Variants in RANBP2 observed in about 807,000 individuals in gnomAD.
RANBP2 encodes the protein RAN binding protein 2.
RANBP2 carries 57 observed loss-of-function variants against 303.6 expected under a neutral mutation model. The ratio of observed to expected loss-of-function variants is 0.19; its 90% CI spans 0.15 to 0.23. The LOEUF (loss-of-function observed/expected upper bound fraction) is 0.23, where lower values mean the gene tolerates loss of function less well. Ranked by LOEUF, RANBP2 falls within the 10% of genes least tolerant of loss-of-function variation. The pLI, the probability that RANBP2 is intolerant of heterozygous loss-of-function variation, is 1.00. For missense variants in RANBP2, 3,138 were observed against 3,780.8 expected, an observed-to-expected ratio of 0.83 and a Z score of 4.46; for synonymous variants, 1,167 against 1,301.5, an observed-to-expected ratio of 0.90 and a Z score of 2.23.
At chr2:109,229,951 A>G in the RANBP2 span, among the ~76,000 whole-genome samples, 1 of 150,904 alleles carries the variant, frequency 6.6e-6, no homozygotes, top group Admixed American at 6.6e-5. Flanking sequence ...CAGCCTCCCA[A>G]GTAGCTGGGA....
chr2:108,814,315 T>A, the RANBP2 span, among the ~76,000 whole-genome samples: 1 of 152,168 alleles, frequency 6.6e-6, no homozygotes, highest in Non-Finnish European at 1.5e-5. Flanking sequence ...TTCCAGTGGG[T>A]GTGTAGTAGT....
the RANBP2 span, among the ~76,000 whole-genome samples, chr2:109,441,217 G>A: frequency 6.6e-6 from 1 of 150,964 alleles, no homozygotes; most frequent in African/African-American, 2.4e-5. Context: ...ATGCAAAGGA[G>A]CAGGAAAATA....
chr2:109,048,239 G>A, the RANBP2 span, among the ~76,000 whole-genome samples: 4 of 152,076 alleles, frequency 2.6e-5, no homozygotes, highest in African/African-American at 9.7e-5. Flanking sequence ...GCTCTTTCTT[G>A]CTACGTGATT....
At chr2:108,855,713 A>G in the RANBP2 span, among the ~76,000 whole-genome samples, 2 of 152,232 alleles carry the variant, frequency 1.3e-5, no homozygotes, top group Non-Finnish European at 2.9e-5. Flanking sequence ...ATAGTTTCAT[A>G]TGTATTTTCA....
chr2:108,947,588 C>A, the RANBP2 span, among the ~76,000 whole-genome samples: 1 of 152,202 alleles, frequency 6.6e-6, no homozygotes, highest in African/African-American at 2.4e-5. Context: ...CTTCTGCACC[C>A]CCGCAGTCCC....
At chr2:109,563,580 T>G in the RANBP2 span, among the ~76,000 whole-genome samples, 1 of 152,242 alleles carries the variant, frequency 6.6e-6, no homozygotes, top group Non-Finnish European at 1.5e-5. Flanking sequence ...GCATAAAGTC[T>G]GGGATACAGC....
At chr2:109,726,809 G>A in the RANBP2 span, among the ~76,000 whole-genome samples, 3 of 152,330 alleles carry the variant, frequency 2.0e-5, 1 homozygote, top group Admixed American at 1.3e-4. Flanking sequence ...GAATGTGGTC[G>A]GGGATAGGCT....
At chr2:109,261,686 G>A in the RANBP2 span, among the ~76,000 whole-genome samples, 337 of 152,300 alleles carry the variant, frequency 2.2e-3, 1 homozygote, top group African/African-American at 7.7e-3. Context: ...TAAAGCTTAG[G>A]ACTCTTATTG....
chr2:109,317,203 G>T, the RANBP2 span, among the ~76,000 whole-genome samples: 1 of 132,164 alleles, frequency 7.6e-6, no homozygotes, highest in Non-Finnish European at 1.6e-5. Context: ...TGGGGTTTTC[G>T]GGACCCCAGC....
chr2:109,057,467 G>A, the RANBP2 span, among the ~76,000 whole-genome samples: 2 of 152,160 alleles, frequency 1.3e-5, no homozygotes, highest in African/African-American at 2.4e-5. Context: ...TAAATATGAT[G>A]TACCTGAGAG....
At chr2:109,273,270 G>T in the RANBP2 span, among the ~76,000 whole-genome samples, 40 of 152,344 alleles carry the variant, frequency 2.6e-4, no homozygotes, top group African/African-American at 9.1e-4. Context: ...ATGTGTTTCT[G>T]TGGATGTATC....
At chr2:109,799,253 A>G in the RANBP2 span, among the ~76,000 whole-genome samples, 1 of 137,992 alleles carries the variant, frequency 7.2e-6, no homozygotes, top group East Asian at 2.0e-4. Context: ...AAAAAAAAAA[A>G]AAGGAAGGGG....
the RANBP2 span, among the ~76,000 whole-genome samples, chr2:108,990,356 G>A: frequency 3.4e-4 from 51 of 149,962 alleles, no homozygotes; most frequent in Middle Eastern, 3.5e-3. Flanking sequence ...GCGTGAACCC[G>A]GGAAGCGGAG....
the RANBP2 span, among the ~76,000 whole-genome samples, chr2:109,400,033 C>T: frequency 6.6e-6 from 1 of 152,212 alleles, no homozygotes; most frequent in Non-Finnish European, 1.5e-5. Flanking sequence ...CGCTGATCTG[C>T]GGGGAATCAT....
chr2:109,689,061 C>T, the RANBP2 span, among the ~76,000 whole-genome samples: 1 of 151,898 alleles, frequency 6.6e-6, no homozygotes, highest in African/African-American at 2.4e-5. Flanking sequence ...CACCCAAGAC[C>T]ACGCCCAGCT....
At chr2:109,017,276 C>T in the RANBP2 span, among the ~76,000 whole-genome samples, 1 of 152,362 alleles carries the variant, frequency 6.6e-6, no homozygotes, top group African/African-American at 2.4e-5. Flanking sequence ...GAATATGTCA[C>T]AACTTTTCCA....
the RANBP2 span, among the ~76,000 whole-genome samples, chr2:109,235,098 G>A: frequency 2.0e-5 from 3 of 152,194 alleles, no homozygotes; most frequent in East Asian, 5.8e-4. Context: ...AGACCACAGA[G>A]CAATAAGCAG....
chr2:109,017,331 C>T, the RANBP2 span, among the ~76,000 whole-genome samples: 1 of 152,238 alleles, frequency 6.6e-6, no homozygotes, highest in Admixed American at 6.5e-5. Context: ...TGATACGATC[C>T]TGAGGCCCTC....
chr2:109,102,543 A>T, the RANBP2 span, among the ~76,000 whole-genome samples: 1 of 152,230 alleles, frequency 6.6e-6, no homozygotes, highest in African/African-American at 2.4e-5. Flanking sequence ...CAAAATACTC[A>T]GATAATTTAA....
Sources: allele counts gnomAD v4.1 joint callset (sites outside exome capture counted in the v4.1 genomes callset), GRCh38; gene constraint gnomAD v4.1.1; transcripts MANE v1.5; gene names NCBI Gene and HGNC (gene_info 2026-07-23, HGNC 2026-07-21).